The following MTOR variants were observed in gnomAD, a reference collection of about 807,000 sequenced individuals.
The protein encoded by MTOR is serine/threonine-protein kinase mTOR.
Under a neutral mutation model 319.8 loss-of-function variants are expected in MTOR, and 70 were observed. The observed-to-expected ratio is 0.22, with a 90% confidence interval of 0.18 to 0.27. The LOEUF is 0.27. MTOR is among the 10% of genes least tolerant of loss of function. The probability of loss-of-function intolerance (pLI) is 1.00; values close to 1 mark genes in which losing one functional copy is unlikely to be tolerated. For synonymous variants in MTOR, 1,183 were observed against 1,211.4 expected, an observed-to-expected ratio of 0.98 and a Z score of 0.49; for missense variants, 1,890 against 3,274.4, an observed-to-expected ratio of 0.58 and a Z score of 10.32.
Position 11,240,401 on chromosome 1 carries a change from T to C in MTOR, c.1688A>G (p.His563Arg), listed in dbSNP as rs756361363. ...RHPGMPKGLAHQLASPGLTTL... is the reference protein window; with the variant it reads ...RHPGMPKGLARQLASPGLTTL... ...CGTGAGGCCAGGAGAGGCCAGCTGA[T>C]GGGCCAGGCCCTTGGGCATGCCTGG... The change falls in exon 11 of 58, where the codon CAT (histidine) becomes CGT (arginine). Residue 563 changes from histidine (H) to arginine (R), a missense_variant. By Grantham distance (29) the His-to-Arg change is conservative (BLOSUM62 0). Around this residue, in one of 15 missense-constraint regions of MTOR, gnomAD observed 418 missense variants for 543.1 expected, o/e 0.77. Transcript: ENST00000361445. 2 of 1,614,258 alleles carry C rather than the reference T, an allele frequency of 1.2e-6. No individual in the cohort carries two copies. Among genetic ancestry groups the C allele is most frequent in the Non-Finnish European group, 1.7e-6 (2 of 1,180,048 alleles).
rs183088883 is a variant in MTOR, at chr1:11,159,989, T to C, written c.4330-2698A>G. ...AAGAATAACAGAAACATTTTAAATA[T>C]TGGTAGGCCAAAGATGGCAGTAGGG... On this transcript the variant is annotated intron_variant, in intron 29 of 57. Coordinates refer to ENST00000361445, the MANE Select transcript of MTOR (RefSeq NM_004958.4). 1.6e-4 allele frequency among the ~76,000 whole-genome samples: 25 copies of C among 152,260 alleles called. No homozygotes were observed. The East Asian group carries it at 1.7e-3, about 11-fold the overall frequency.
chr1:11,243,522 C>T (rs1197625495), intron 8 of MTOR, among the ~76,000 whole-genome samples: 2 of 151,788 alleles, frequency 1.3e-5, no homozygotes, highest in African/African-American at 4.8e-5. Flanking sequence ...GAGACCCTGT[C>T]TCTACAAAAA....
intron 36 of MTOR, among the ~76,000 whole-genome samples, chr1:11,137,863 T>TG (rs1269641803): frequency 1.1e-4 from 16 of 152,346 alleles, no homozygotes; most frequent in African/African-American, 3.6e-4. Context: ...AGGCAGAGCA[T>TG]GATTCTTGTT....
intron 3 of MTOR, among the ~76,000 whole-genome samples, chr1:11,258,042 G>A (rs372979135): frequency 2.6e-5 from 4 of 151,906 alleles, no homozygotes; most frequent in Non-Finnish European, 2.9e-5. Flanking sequence ...CCCAGGAGGC[G>A]GAGGTTGCAG....
rs1046627595 is a variant in MTOR at position 11,199,853 on chromosome 1, T to G, written c.3945-150A>C. On this transcript the variant is annotated intron_variant, in intron 26 of 57. Coordinates refer to ENST00000361445, the MANE Select transcript of MTOR (RefSeq NM_004958.4). This position sits in a 1 kb window ranked among gnomAD's most constrained non-coding sequence, Gnocchi z 4.5. ...CCAGTGCTGTCCAAGAGAATTTTCC[T>G]GTCCAATATGGTAGCCAGTGATCAC... The G allele has an allele frequency of 5.5e-6, 4 of 730,740 alleles. No individual in the cohort carries two copies. The Admixed American group carries it at 1.1e-4, about 20-fold the overall frequency. The allele number at this position is 730,740 out of a possible 1,614,324, so 45.3% of individuals were successfully genotyped here.
rs1168314501 is a variant in MTOR at position 11,124,645 on chromosome 1, A to G, written c.6527-12T>C. On this transcript the variant is annotated splice_polypyrimidine_tract_variant and intron_variant, in intron 46 of 57. Coordinates refer to ENST00000361445, the MANE Select transcript of MTOR (RefSeq NM_004958.4). ...ATGTCCGTTGCTGCCTGTAAGGAAC[A>G]GTGGGAGCGGTGAGTGTACATCAGA... 6.2e-7 allele frequency: 1 copy of G among 1,604,592 alleles called. No individual in the cohort carries two copies. Among genetic ancestry groups the G allele is most frequent in the East Asian group, 2.2e-5 (1 of 44,608 alleles).
chr1:11,240,458 G>C lies in MTOR; in HGVS notation c.1631C>G (p.Ser544Cys), dbSNP rs1160608922. The change falls in exon 11 of 58, where the codon TCC (serine) becomes TGC (cysteine). Residue 544 changes from serine (S) to cysteine (C), a missense_variant. Transcript: ENST00000361445. ...AAGGGGTTTGTGCATAAGGACCAGG[G>C]ACAGCATTTTCAGTAGCCCATCTTG... ...DIQDGLLKML[S>C]LVLMHKPLRH... 2 of 1,614,132 alleles carry C rather than the reference G, an allele frequency of 1.2e-6. No homozygotes were observed. Among genetic ancestry groups the C allele is most frequent in the African/African-American group, 2.7e-5 (2 of 74,950 alleles).
At chr1:11,192,748 TAAAAAAA>T (rs56996673) in intron 28 of MTOR, among the ~76,000 whole-genome samples, 252 of 119,240 alleles carry the variant, frequency 2.1e-3, no homozygotes, top group Non-Finnish European at 2.9e-3. Flanking sequence ...CCATTTCAAT[TAAAAAAA>T]AAAAAAAAAA....
At chr1:11,191,614 G>A (rs574691756) in intron 28 of MTOR, among the ~76,000 whole-genome samples, 34 of 152,264 alleles carry the variant, frequency 2.2e-4, no homozygotes, top group African/African-American at 7.7e-4. Flanking sequence ...GCATAAAGTA[G>A]CAGCTCCATG....
chr1:11,224,542 G>T (rs1267791503), intron 19 of MTOR, among the ~76,000 whole-genome samples: 2 of 152,094 alleles, frequency 1.3e-5, no homozygotes, highest in Non-Finnish European at 2.9e-5. Flanking sequence ...GGACACAAAA[G>T]ATTTGAACAC....
At chr1:11,258,936 T>A (rs1212406574) in intron 2 of MTOR, among the ~76,000 whole-genome samples, 1 of 152,078 alleles carries the variant, frequency 6.6e-6, no homozygotes, top group Non-Finnish European at 1.5e-5. Flanking sequence ...TCCAAACCCA[T>A]CCCAATCACT....
At position 11,109,900 on chromosome 1, in the gene MTOR, G is replaced by A. The variant is rs1057243743; in HGVS notation, c.7367-171C>T. Among the ~76,000 whole-genome samples, 9 of 151,856 alleles carry A rather than the reference G, an allele frequency of 5.9e-5. No individual in the cohort carries two copies. The highest frequency in any genetic ancestry group is 2.2e-4 in the African/African-American group (9 of 41,420). On this transcript the variant is annotated intron_variant, in intron 54 of 57. Coordinates refer to ENST00000361445, the MANE Select transcript of MTOR (RefSeq NM_004958.4). The surrounding 1 kb of genome is among the most constrained non-coding windows in gnomAD (Gnocchi z 4.0). Reference sequence around the variant, plus strand: ...CTCTTTATGTATTTCAAAGTTTTAAGCTGGACATAGCTGTAATCTCAGCTA... The same window carrying A: ...CTCTTTATGTATTTCAAAGTTTTAAACTGGACATAGCTGTAATCTCAGCTA...
At chr1:11,198,009 G>GT (rs1356760321) in intron 28 of MTOR, among the ~76,000 whole-genome samples, 1 of 152,162 alleles carries the variant, frequency 6.6e-6, no homozygotes, top group Non-Finnish European at 1.5e-5. Context: ...TTTTATGATT[G>GT]TATCAAATAT....
intron 31 of MTOR, chr1:11,149,670 T>G (rs1644067589): frequency 6.5e-6 from 1 of 153,236 alleles, no homozygotes; most frequent in African/African-American, 2.4e-5. Context: ...CTGGAACTTG[T>G]GATTGGCATC....
Position 11,115,965 on chromosome 1 carries a change from C to T in MTOR, c.7017-497G>A, listed in dbSNP as rs1227327634. Among the ~76,000 whole-genome samples the T allele has an allele frequency of 4.6e-5, 7 of 152,162 alleles. No homozygotes were observed. Among genetic ancestry groups the T allele is most frequent in the African/African-American group, 1.4e-4 (6 of 41,430 alleles). ...TCTCCTTAAGTCCCTGAGCCAATCC[C>T]GGCAACCACCTGGCTTTTATCAACA... is the stretch of plus-strand genomic sequence containing the variant. On this transcript the variant is annotated intron_variant, in intron 50 of 57. Coordinates refer to ENST00000361445, the MANE Select transcript of MTOR (RefSeq NM_004958.4). This position sits in a 1 kb window ranked among gnomAD's most constrained non-coding sequence, Gnocchi z 4.5.
At position 11,193,519 on chromosome 1, in the gene MTOR, C is replaced by T; in HGVS notation, c.4253+5739G>A. 2.7e-6 allele frequency: 4 copies of T among 1,475,984 alleles called. No individual in the cohort carries two copies. The East Asian group carries it at 9.2e-5, about 34-fold the overall frequency. 91.4% of individuals were successfully genotyped at this position (1,475,984 alleles called of 1,614,324 possible). A position where few individuals can be genotyped will look rare whatever the true frequency, so the allele number is the denominator to read the frequency against. Reference sequence around the variant, plus strand: ...GGACAGGAACAGGTTGGGAAGCCTGCCCTCTTGCTCCTGCCTTCTGCCCCT... The same window carrying T: ...GGACAGGAACAGGTTGGGAAGCCTGTCCTCTTGCTCCTGCCTTCTGCCCCT... On this transcript the variant is annotated intron_variant, in intron 28 of 57. Coordinates refer to ENST00000361445, the MANE Select transcript of MTOR (RefSeq NM_004958.4).
intron 28 of MTOR, among the ~76,000 whole-genome samples, chr1:11,181,269 TA>T (rs138706925): frequency 3.0e-4 from 44 of 147,536 alleles, no homozygotes; most frequent in Non-Finnish European, 5.6e-4. Flanking sequence ...TCTTCCTAAG[TA>T]AAAAAAAAAG....
In MTOR at chr1:11,240,385, A is replaced by G. The variant is rs1380597435; in HGVS notation, c.1704T>C (p.Pro568=). 1.2e-6 allele frequency: 2 copies of G among 1,614,228 alleles called. No homozygotes were observed. Among genetic ancestry groups the G allele is most frequent in the Non-Finnish European group, 1.7e-6 (2 of 1,180,030 alleles). ...TGGCCTCAGGGAGGGTCGTGAGGCC[A>G]GGAGAGGCCAGCTGATGGGCCAGGC... ...PKGLAHQLAS[P]GLTTLPEASD... Residue 568 remains proline (P), a synonymous_variant, in exon 11 of 58, where the codon CCT becomes CCC. Coordinates refer to ENST00000361445, the MANE Select transcript of MTOR (RefSeq NM_004958.4).
intron 38 of MTOR, chr1:11,131,062 A>AG (rs1643126635): frequency 4.0e-6 from 2 of 503,172 alleles, no homozygotes; most frequent in African/African-American, 3.9e-5. Flanking sequence ...CCGGCCTCCT[A>AG]GGGGAGCTCA....
Sources: allele counts gnomAD v4.1 joint callset (sites outside exome capture counted in the v4.1 genomes callset), GRCh38; gene constraint gnomAD v4.1.1; regional missense constraint gnomAD v4.1.1; non-coding constraint Gnocchi (gnomAD v3.1); transcripts MANE v1.5; gene names NCBI Gene and HGNC (gene_info 2026-07-23, HGNC 2026-07-21).